The following EEA1 variants were observed in gnomAD, a reference collection of about 807,000 sequenced individuals.
The protein encoded by EEA1 is early endosome antigen 1, 162kD.
Under a neutral mutation model 209.2 loss-of-function variants are expected in EEA1, and 111 were observed. That is an observed-to-expected ratio of 0.53 (90% confidence interval 0.45 to 0.62). The LOEUF (loss-of-function observed/expected upper bound fraction) is 0.62, where lower values mean the gene tolerates loss of function less well. EEA1 is among the 20% of genes least tolerant of loss of function. EEA1 has a pLI of 0.00. For synonymous variants in EEA1, 536 were observed against 540.6 expected (o/e 0.99, Z 0.12); for missense variants, 1,343 against 1,530.8 (o/e 0.88, Z 2.05).
At position 92,816,356 on chromosome 12, in the gene EEA1, A is replaced by G. The variant is rs1239153241; in HGVS notation, c.1773T>C (p.His591=). The G allele has an allele frequency of 1.2e-6, 2 of 1,613,766 alleles. No homozygotes were observed. The highest frequency in any genetic ancestry group is 2.7e-5 in the African/African-American group (2 of 74,890). The change falls in exon 15 of 29, where the codon CAT becomes CAC. Residue 591 remains histidine, a synonymous_variant. Transcript: ENST00000322349. ...TEKLKNQSES[H]KQAQENLHDQ... is the part of the protein sequence containing the mutation. ...CATGCAAATTCTCCTGGGCTTGTTT[A>G]TGACTTTCTGACTGATTCTTCAGCT...
intron 10 of EEA1, chr12:92,835,399 C>CTTTTTTTTTTTTTT (rs1876873948): frequency 4.2e-6 from 1 of 236,566 alleles, no homozygotes; most frequent in Non-Finnish European, 8.9e-6. Context: ...TAGTTTCACT[C>CTTTTTTTTTTTTTT]CTTTTTTTTT....
chr12:92,864,132 G>C (rs892124833), intron 3 of EEA1, among the ~76,000 whole-genome samples: 5 of 152,022 alleles, frequency 3.3e-5, no homozygotes, highest in Non-Finnish European at 7.4e-5. Flanking sequence ...ATGTTTTATA[G>C]ATCTACATTA....
chr12:92,917,411 C>T (rs1333085891), intron 1 of EEA1, among the ~76,000 whole-genome samples: 2 of 149,350 alleles, frequency 1.3e-5, no homozygotes, highest in African/African-American at 5.0e-5. Flanking sequence ...AGAAACCCTA[C>T]AAGCCAGAAG....
intron 11 of EEA1, among the ~76,000 whole-genome samples, chr12:92,831,862 G>A (rs990898056): frequency 5.3e-5 from 8 of 150,128 alleles, no homozygotes; most frequent in Non-Finnish European, 1.2e-4. Flanking sequence ...GAGGCGGGTG[G>A]ATCATGAGGT....
Position 92,775,992 on chromosome 12 carries a change from C to G in EEA1, c.*19G>C, listed in dbSNP as rs375062600. On this transcript the variant is annotated 3_prime_UTR_variant, in exon 29 of 29. Coordinates refer to ENST00000322349, the MANE Select transcript of EEA1 (RefSeq NM_003566.4). ...AATCTAATGTTAGTGTAATATTACT[C>G]TGAAGTTGTGATAACCCATTATCCT... 3 of 1,606,626 alleles carry G rather than the reference C, an allele frequency of 1.9e-6. No homozygotes were observed. In the African/African-American group the frequency reaches 4.0e-5, roughly 22 times the overall value.
chr12:92,854,514 C>T (rs756219709), intron 5 of EEA1, among the ~76,000 whole-genome samples: 3 of 152,158 alleles, frequency 2.0e-5, no homozygotes, highest in Admixed American at 6.5e-5. Context: ...CTTATCATAC[C>T]GCAGATCTGA....
At chr12:92,843,529 A>G (rs1877262658) in intron 9 of EEA1, among the ~76,000 whole-genome samples, 1 of 152,234 alleles carries the variant, frequency 6.6e-6, no homozygotes, top group South Asian at 2.1e-4. Flanking sequence ...ATAATATAAG[A>G]CAAAGACAGG....
chr12:92,864,825 C>A, intron 3 of EEA1, 35 bp downstream of exon 3: 3 of 1,509,774 alleles, frequency 2.0e-6, no homozygotes, highest in South Asian at 1.4e-5. Flanking sequence ...CATGCATATT[C>A]CATAACATTA....
chr12:92,872,191 G>A (rs1020738447), intron 2 of EEA1, among the ~76,000 whole-genome samples: 2 of 151,910 alleles, frequency 1.3e-5, no homozygotes, highest in Non-Finnish European at 2.9e-5. Flanking sequence ...TGAGACTACA[G>A]GCATGTGCCA....
intron 22 of EEA1, among the ~76,000 whole-genome samples, chr12:92,785,129 C>T (rs1410737175): frequency 6.6e-6 from 1 of 151,520 alleles, no homozygotes; most frequent in African/African-American, 2.4e-5. Flanking sequence ...AATTCTAAAT[C>T]TATTATCCTA....
At chr12:92,891,744 G>GAA in intron 1 of EEA1, 23 bp from the exon 2 acceptor site, 3 of 1,482,406 alleles carry the variant, frequency 2.0e-6, no homozygotes, top group Admixed American at 2.0e-5. Flanking sequence ...CAGTAGGGAG[G>GAA]AAAAAAAAAC....
chr12:92,800,368 T>A (rs1291672332), intron 20 of EEA1, among the ~76,000 whole-genome samples: 2 of 152,180 alleles, frequency 1.3e-5, no homozygotes, highest in Non-Finnish European at 2.9e-5. Context: ...AGTTCCTCTG[T>A]CACCAAGGTA....
intron 1 of EEA1, among the ~76,000 whole-genome samples, chr12:92,925,198 A>AAC (rs1555210428): frequency 2.6e-5 from 4 of 151,062 alleles, no homozygotes; most frequent in Non-Finnish European, 4.4e-5. Flanking sequence ...AAAAAAAAAA[A>AAC]CACTAATCAC....
chr12:92,900,223 T>C (rs751260578), intron 1 of EEA1, among the ~76,000 whole-genome samples: 7 of 152,196 alleles, frequency 4.6e-5, no homozygotes, highest in Non-Finnish European at 7.3e-5. Flanking sequence ...ACAGGAGATA[T>C]ACTCATTTCA....
chr12:92,868,446 C>T lies in EEA1; in HGVS notation c.118-3459G>A, dbSNP rs146563921. ...AAGTGTTCCTCGGAGAAGCTACATC[C>T]CTATTACACGATTTAATCTTCACAA... On this transcript the variant is annotated intron_variant, in intron 2 of 28. Transcript: ENST00000322349. Among the ~76,000 whole-genome samples, 970 of 152,294 alleles carry T rather than the reference C, an allele frequency of 6.4e-3. 10 individuals are homozygous for T. The highest frequency in any genetic ancestry group is 0.022 in the African/African-American group (915 of 41,540).
rs1371458433 is a variant in EEA1 at position 92,811,230 on chromosome 12, T to C, written c.2199+49A>G. On this transcript the variant is annotated intron_variant, in intron 17 of 28. Transcript: ENST00000322349. ...TTCCATGTAGGTCATGAGATTCCAT[T>C]GCTACTGAAGTAGAAAATATGACTA... The C allele has an allele frequency of 1.2e-5, 15 of 1,245,950 alleles. No individual in the cohort carries two copies. In the East Asian group the frequency reaches 4.2e-4, roughly 35 times the overall value. The allele number at this position is 1,245,950 out of a possible 1,614,324, so 77.2% of individuals were successfully genotyped here.
At position 92,882,035 on chromosome 12, in the gene EEA1, A is replaced by G. The variant is rs546904067; in HGVS notation, c.117+9594T>C. 2.6e-5 allele frequency among the ~76,000 whole-genome samples: 4 copies of G among 152,128 alleles called. No homozygotes were observed. The East Asian group carries it at 7.7e-4, about 29-fold the overall frequency. On this transcript the variant is annotated intron_variant, in intron 2 of 28. Coordinates refer to ENST00000322349, the MANE Select transcript of EEA1 (RefSeq NM_003566.4). ...ATGACCTTCCACTTAAAGAATAGTA[A>G]ATATATTTTCTCTTTGTTATGACGA...
rs888137926 is a variant in EEA1 at position 92,923,734 on chromosome 12, GT to G, written c.24+5308del. ...TGTCTCCTCCATTAAAACTCAGCAG[GT>G]TTTTTTTTTACTCTCAAGAGTGTTT... is the stretch of plus-strand genomic sequence containing the variant. On this transcript the variant is annotated intron_variant, in intron 1 of 28. Transcript: ENST00000322349. Among the ~76,000 whole-genome samples the G allele has an allele frequency of 7.4e-4, 106 of 142,956 alleles. 1 individual carries two copies. Among genetic ancestry groups the G allele is most frequent in the South Asian group, 2.2e-3 (10 of 4,546 alleles). The allele number at this position is 142,956 out of a possible 152,430, so 93.8% of individuals were successfully genotyped here.
intron 14 of EEA1, 86 bp from the exon 15 acceptor site, chr12:92,816,486 T>C: frequency 7.9e-7 from 1 of 1,258,266 alleles, no homozygotes; most frequent in Non-Finnish European, 1.1e-6. Context: ...ATGAGAATAT[T>C]AAAGTGCTTT....
Sources: gnomAD v4.1 joint callset for allele counts (sites outside exome capture counted in the v4.1 genomes callset) on GRCh38, gnomAD v4.1.1 for gene constraint, MANE v1.5 for transcripts, NCBI Gene and HGNC (gene_info 2026-07-23, HGNC 2026-07-21) for gene names.